The following DSE variants were observed in gnomAD, a reference collection of about 807,000 sequenced individuals.
The protein encoded by DSE is dermatan-sulfate epimerase.
In DSE, 36 loss-of-function variants were observed where a neutral mutation model predicts 84.4. The ratio of observed to expected loss-of-function variants is 0.43; its 90% CI spans 0.33 to 0.56. DSE has a LOEUF of 0.56. Ranked by LOEUF, DSE falls within the 20% of genes least tolerant of loss-of-function variation. DSE has a pLI of 0.06. For synonymous variants in DSE, 410 were observed against 430.1 expected (o/e 0.95, Z 0.58); for missense variants, 862 against 1,169.6 (o/e 0.74, Z 3.84).
chr6:116,437,686 T>C lies in DSE; in HGVS notation c.*341T>C. 1 of 169,648 alleles carries C rather than the reference T, an allele frequency of 5.9e-6. No individual in the cohort carries two copies. Among genetic ancestry groups the C allele is most frequent in the East Asian group, 1.7e-4 (1 of 5,928 alleles). The allele number at this position is 169,648 out of a possible 1,614,324, so 10.5% of individuals were successfully genotyped here. On this transcript the variant is annotated 3_prime_UTR_variant, in exon 6 of 6. Coordinates refer to ENST00000644252, the MANE Select transcript of DSE (RefSeq NM_013352.4). ...GAAAAAGGTTTAGATAGAATTGGGTTTTATTAATATTAATTTAATGCTATT... is the reference window on the plus strand; with the variant it reads ...GAAAAAGGTTTAGATAGAATTGGGTCTTATTAATATTAATTTAATGCTATT...
At chr6:116,376,843 G>C (rs548971456) in intron 1 of DSE, among the ~76,000 whole-genome samples, 7 of 152,280 alleles carry the variant, frequency 4.6e-5, no homozygotes, top group African/African-American at 1.7e-4. Flanking sequence ...TAGGCAGTTG[G>C]CTTTCAATTA....
chr6:116,434,793 A>C (rs920226775), intron 5 of DSE, among the ~76,000 whole-genome samples: 7 of 152,236 alleles, frequency 4.6e-5, no homozygotes, highest in African/African-American at 1.7e-4. Context: ...TGAAACAGTC[A>C]ATATCAAACA....
intron 2 of DSE, among the ~76,000 whole-genome samples, chr6:116,320,979 T>C (rs944835529): frequency 2.6e-5 from 4 of 152,226 alleles, no homozygotes; most frequent in African/African-American, 9.6e-5. Context: ...GAGATTGAGA[T>C]AGAGCTGACA....
chr6:116,338,856 T>G (rs73767746), intron 2 of DSE, among the ~76,000 whole-genome samples: 5,827 of 152,314 alleles, frequency 0.038, 179 homozygotes, highest in African/African-American at 0.078. Flanking sequence ...AGCTTTCCAT[T>G]GTCAAGAATC....
chr6:116,346,145 A>T (rs4946159), intron 2 of DSE, among the ~76,000 whole-genome samples: 2 of 152,062 alleles, frequency 1.3e-5, no homozygotes, highest in Non-Finnish European at 2.9e-5. Context: ...CCAACCAAAA[A>T]AAGTCCAGGA....
intron 2 of DSE, among the ~76,000 whole-genome samples, chr6:116,288,973 G>T (rs1390336516): frequency 1.3e-5 from 2 of 151,994 alleles, no homozygotes; most frequent in African/African-American, 2.4e-5. Context: ...GAGTATATAA[G>T]TAGAAGTACT....
intron 2 of DSE, among the ~76,000 whole-genome samples, chr6:116,359,663 G>T (rs544875761): frequency 4.9e-4 from 75 of 152,308 alleles, no homozygotes; most frequent in African/African-American, 1.8e-3. Context: ...AATAAAAACT[G>T]TAATACAGAT....
chr6:116,404,988 T>G (rs1228010189), intron 2 of DSE, among the ~76,000 whole-genome samples: 2 of 148,832 alleles, frequency 1.3e-5, no homozygotes, highest in African/African-American at 2.4e-5. Flanking sequence ...GTAATTGTGT[T>G]TTTTTTTTTT....
At chr6:116,417,543 T>C (rs548510575) in intron 2 of DSE, among the ~76,000 whole-genome samples, 3 of 152,330 alleles carry the variant, frequency 2.0e-5, no homozygotes, top group South Asian at 2.1e-4. Context: ...AAATTTTATA[T>C]ATTTTAGAAT....
chr6:116,363,305 C>A (rs1223960927), intron 2 of DSE, among the ~76,000 whole-genome samples: 1 of 151,176 alleles, frequency 6.6e-6, no homozygotes, highest in East Asian at 1.9e-4. Flanking sequence ...ATGATAGATA[C>A]TTGCCACATG....
intron 2 of DSE, among the ~76,000 whole-genome samples, chr6:116,298,200 G>A (rs1183603883): frequency 6.6e-6 from 1 of 152,140 alleles, no homozygotes; most frequent in Non-Finnish European, 1.5e-5. Context: ...TCCACATGTG[G>A]TAGGCAGAAT....
intron 2 of DSE, among the ~76,000 whole-genome samples, chr6:116,327,296 T>C (rs189248019): frequency 1.3e-5 from 2 of 152,330 alleles, no homozygotes; most frequent in East Asian, 3.9e-4. Context: ...CTTTACGAGA[T>C]TATTTCCTAG....
intron 2 of DSE, among the ~76,000 whole-genome samples, chr6:116,333,102 G>C (rs1184487474): frequency 6.6e-6 from 1 of 152,064 alleles, no homozygotes; most frequent in South Asian, 2.1e-4. Flanking sequence ...TACTTCCTCA[G>C]GATAAAATTT....
chr6:116,337,653 C>G (rs1583042091), intron 2 of DSE, among the ~76,000 whole-genome samples: 1 of 152,008 alleles, frequency 6.6e-6, no homozygotes, highest in African/African-American at 2.4e-5. Context: ...ACTAGAAACA[C>G]TCTAATTGCG....
intron 2 of DSE, among the ~76,000 whole-genome samples, chr6:116,309,983 T>C (rs1296524714): frequency 6.6e-6 from 1 of 152,212 alleles, no homozygotes; most frequent in Non-Finnish European, 1.5e-5. Context: ...ACCATAGCAG[T>C]CATGCACATA....
At chr6:116,356,322 A>C (rs1314374545) in intron 2 of DSE, among the ~76,000 whole-genome samples, 1 of 152,198 alleles carries the variant, frequency 6.6e-6, no homozygotes, top group Non-Finnish European at 1.5e-5. Flanking sequence ...TATGATATCT[A>C]ATATGGTAGA....
intron 4 of DSE, chr6:116,432,626 T>C (rs1236006770): frequency 6.6e-6 from 1 of 152,176 alleles, no homozygotes; most frequent in Non-Finnish European, 1.5e-5. Context: ...CTTTTTTTTT[T>C]TTTCTACAGT....
intron 2 of DSE, among the ~76,000 whole-genome samples, chr6:116,314,556 T>C (rs1775862112): frequency 6.6e-6 from 1 of 152,212 alleles, no homozygotes. Context: ...ACTTCTGGTC[T>C]CCTGTAAGTT....
At chr6:116,382,491 T>C (rs752971812) in intron 1 of DSE, among the ~76,000 whole-genome samples, 4 of 152,168 alleles carry the variant, frequency 2.6e-5, no homozygotes, top group Non-Finnish European at 4.4e-5. Flanking sequence ...TGAAAAGATA[T>C]TTTGTTTTCT....
Sources: gnomAD v4.1 joint callset for allele counts (sites outside exome capture counted in the v4.1 genomes callset) on GRCh38, gnomAD v4.1.1 for gene constraint, MANE v1.5 for transcripts, NCBI Gene and HGNC (gene_info 2026-07-23, HGNC 2026-07-21) for gene names.